ASIC1: variants seen among roughly 807,000 people sequenced by gnomAD.
The protein encoded by ASIC1 is acid sensing ion channel subunit 1, also known as acid-sensing ion channel 1.
A neutral mutation model predicts 63.4 loss-of-function variants in ASIC1; 21 were observed. The ratio of observed to expected loss-of-function variants is 0.33; its 90% CI spans 0.23 to 0.48. The LOEUF is 0.48. ASIC1 is among the 20% of genes least tolerant of loss of function. The pLI, the probability that ASIC1 is intolerant of heterozygous loss-of-function variation, is 0.99. For missense variants in ASIC1, 478 were observed against 695.5 expected, an observed-to-expected ratio of 0.69 and a Z score of 3.52; for synonymous variants, 258 against 278.2, an observed-to-expected ratio of 0.93 and a Z score of 0.72.
chr12:50,065,869 TG>T (rs1555184106), intron 3 of ASIC1, among the ~76,000 whole-genome samples: 1 of 152,222 alleles, frequency 6.6e-6, no homozygotes, highest in Non-Finnish European at 1.5e-5. Context: ...AGAACATCCC[TG>T]GGGGTGAGAC....
chr12:50,066,375 T>TG (rs1950545898), intron 3 of ASIC1, among the ~76,000 whole-genome samples: 2 of 151,954 alleles, frequency 1.3e-5, no homozygotes, highest in Admixed American at 6.6e-5. Context: ...GGAGTGTGTA[T>TG]GGAGGAGGGT....
In ASIC1 at chr12:50,059,927, G is replaced by A. The variant is rs752811340; in HGVS notation, c.531G>A (p.Glu177=). The A allele has an allele frequency of 3.7e-6, 6 of 1,613,970 alleles. No homozygotes were observed. The highest frequency in any genetic ancestry group is 1.6e-4 in the Middle Eastern group (1 of 6,084). ...DMLLSCHFRG[E]VCSAEDFKVV... The stretch of plus-strand genomic sequence containing the variant: ...TGCTCTCCTGCCACTTCCGGGGGGA[G>A]GTCTGCAGCGCTGAAGACTTCAAGG... The change falls in exon 3 of 12, where the codon GAG becomes GAA. Residue 177 remains glutamate (E), a synonymous_variant. Coordinates refer to ENST00000447966, the MANE Select transcript of ASIC1 (RefSeq NM_001095.4). The surrounding 1 kb of genome is among the most constrained non-coding windows in gnomAD (Gnocchi z 4.6).
chr12:50,079,249 A>C (rs1436334513), intron 7 of ASIC1, among the ~76,000 whole-genome samples: 3 of 151,980 alleles, frequency 2.0e-5, no homozygotes, highest in Non-Finnish European at 4.4e-5. Context: ...TGACTCTATG[A>C]AAAATTAAAA....
intron 10 of ASIC1, 25 bp downstream of exon 10, chr12:50,081,206 G>T (rs769201993): frequency 1.9e-6 from 3 of 1,606,954 alleles, no homozygotes; most frequent in East Asian, 2.2e-5. Flanking sequence ...GGCCCGGCAC[G>T]GGGCCACGTG....
At chr12:50,079,251 A>T (rs558061194) in intron 7 of ASIC1, among the ~76,000 whole-genome samples, 1 of 152,050 alleles carries the variant, frequency 6.6e-6, no homozygotes, top group South Asian at 2.1e-4. Flanking sequence ...ACTCTATGAA[A>T]AATTAAAAAA....
chr12:50,058,592 C>T (rs1025549231), intron 1 of ASIC1, among the ~76,000 whole-genome samples, 159 bp from the exon 2 acceptor site: 3 of 152,184 alleles, frequency 2.0e-5, no homozygotes, highest in African/African-American at 7.2e-5. Context: ...CTGGATGTGT[C>T]CCTTGGTCAG....
chr12:50,080,024 A>G lies in ASIC1; in HGVS notation c.1174A>G (p.Lys392Glu). Residue 392 changes from lysine to glutamate, a missense_variant, in exon 8 of 12, where the codon AAG (lysine) becomes GAG (glutamate). Lys to Glu is a moderately conservative substitution (Grantham distance 56). This residue lies in a region of ASIC1 where 84 missense variants were observed against 183.5 expected (regional missense o/e 0.46). Transcript: ENST00000447966. ...PSKASAKYLAKKFNKSEQYIG... is the reference protein window; with the variant it reads ...PSKASAKYLAEKFNKSEQYIG... ...CAAAGCCTCAGCCAAGTACCTGGCC[A>G]AGAAGTTCAACAAATCTGAGCAATA... 1 of 1,613,886 alleles carries G rather than the reference A, an allele frequency of 6.2e-7. No individual in the cohort carries two copies. The highest frequency in any genetic ancestry group is 8.5e-7 in the Non-Finnish European group (1 of 1,179,878).
At chr12:50,079,263 A>C (rs1369874411) in intron 7 of ASIC1, among the ~76,000 whole-genome samples, 1 of 151,984 alleles carries the variant, frequency 6.6e-6, no homozygotes, top group East Asian at 1.9e-4. Flanking sequence ...ATTAAAAAAA[A>C]ATTATGTGGG....
rs1340407688 is a variant in ASIC1 at position 50,078,234 on chromosome 12, T to A, written c.837+107T>A. 7 of 1,529,678 alleles carry A rather than the reference T, an allele frequency of 4.6e-6. No homozygotes were observed. Among genetic ancestry groups the A allele is most frequent in the Non-Finnish European group, 6.2e-6 (7 of 1,137,888 alleles). The allele number at this position is 1,529,678 out of a possible 1,614,324, so 94.8% of individuals were successfully genotyped here. On this transcript the variant is annotated intron_variant, in intron 5 of 11. Transcript: ENST00000447966. This position sits in a 1 kb window ranked among gnomAD's most constrained non-coding sequence, Gnocchi z 6.0. Reference sequence around the variant, plus strand: ...GACAGGTGAGCAAGGACCTGGGTGGTAATCTGGCTAGTCAGAAGCATGAGT... The same window carrying A: ...GACAGGTGAGCAAGGACCTGGGTGGAAATCTGGCTAGTCAGAAGCATGAGT...
chr12:50,060,204 T>C (rs1950488329), intron 3 of ASIC1, among the ~76,000 whole-genome samples: 1 of 152,132 alleles, frequency 6.6e-6, no homozygotes, highest in East Asian at 1.9e-4. Context: ...AACACACACA[T>C]ATATGCACAC....
chr12:50,080,118 G>T (rs982979401), intron 8 of ASIC1, 63 bp downstream of exon 8: 21 of 1,517,130 alleles, frequency 1.4e-5, no homozygotes, highest in African/African-American at 4.2e-5. Flanking sequence ...GATGAGTGGG[G>T]TTTGATGGGG....
intron 3 of ASIC1, among the ~76,000 whole-genome samples, chr12:50,070,098 A>G (rs1162502342): frequency 2.0e-5 from 3 of 152,112 alleles, no homozygotes; most frequent in Non-Finnish European, 4.4e-5. Context: ...AAAAAGTCAG[A>G]AACCACTCAG....
At chr12:50,072,639 C>T (rs755474472) in intron 3 of ASIC1, among the ~76,000 whole-genome samples, 3 of 152,098 alleles carry the variant, frequency 2.0e-5, no homozygotes, top group Non-Finnish European at 4.4e-5. Context: ...CTAAACTGTT[C>T]GGGGGGCGGG....
intron 3 of ASIC1, among the ~76,000 whole-genome samples, chr12:50,066,320 C>G (rs1341499769): frequency 1.3e-5 from 2 of 152,082 alleles, no homozygotes; most frequent in African/African-American, 2.4e-5. Flanking sequence ...GAGTGGGACC[C>G]TGACTTCAGA....
At chr12:50,080,175 C>A in intron 8 of ASIC1, 120 bp downstream of exon 8, 3 of 1,385,828 alleles carry the variant, frequency 2.2e-6, no homozygotes, top group South Asian at 1.4e-5. Context: ...CGGGGAAGGT[C>A]CAAAAGGCAA....
chr12:50,082,315 C>G lies in ASIC1; in HGVS notation c.*666C>G, dbSNP rs1950729079. On this transcript the variant is annotated 3_prime_UTR_variant, in exon 12 of 12. Transcript: ENST00000447966. ...TGATACCTATAAGTTCACCCCCACC[C>G]CACAGCTGCTGGAGAGAAATCCCAA... is the stretch of plus-strand genomic sequence containing the variant. 1 of 152,798 alleles carries G rather than the reference C, an allele frequency of 6.5e-6. No individual in the cohort carries two copies. The highest frequency in any genetic ancestry group is 2.4e-5 in the African/African-American group (1 of 41,436). 9.5% of individuals were successfully genotyped at this position (152,798 alleles called of 1,614,324 possible).
rs976748546 is a variant in ASIC1, at chr12:50,083,310, C to T, written c.*1661C>T. 6.6e-6 allele frequency: 1 copy of T among 152,292 alleles called. No homozygotes were observed. Among genetic ancestry groups the T allele is most frequent in the Admixed American group, 6.5e-5 (1 of 15,288 alleles). The allele number at this position is 152,292 out of a possible 1,614,324, so 9.4% of individuals were successfully genotyped here. The stretch of plus-strand genomic sequence containing the variant: ...ACAAGTGAGGTGGAGGGCCTGCCCC[C>T]CCTCCCTCCACCAGACACTCCTTCC... On this transcript the variant is annotated 3_prime_UTR_variant, in exon 12 of 12. Coordinates refer to ENST00000447966, the MANE Select transcript of ASIC1 (RefSeq NM_001095.4).
At chr12:50,061,567 C>T (rs1950501183) in intron 3 of ASIC1, among the ~76,000 whole-genome samples, 1 of 152,148 alleles carries the variant, frequency 6.6e-6, no homozygotes, top group Non-Finnish European at 1.5e-5. Context: ...CCGCCTCCCT[C>T]CAACACACCC....
chr12:50,080,083 G>T, intron 8 of ASIC1, 28 bp downstream of exon 8: 1 of 1,589,548 alleles, frequency 6.3e-7, no homozygotes, highest in Non-Finnish European at 8.6e-7. Flanking sequence ...GTAGAGCAAG[G>T]CCCTTGGGTT....
Sources: gnomAD v4.1 joint callset for allele counts (sites outside exome capture counted in the v4.1 genomes callset) on GRCh38, gnomAD v4.1.1 for gene constraint, gnomAD v4.1.1 regional missense constraint, Gnocchi (gnomAD v3.1) non-coding constraint, MANE v1.5 for transcripts, NCBI Gene and HGNC (gene_info 2026-07-23, HGNC 2026-07-21) for gene names.